The following HS6ST3 variants were observed in gnomAD, a reference collection of about 807,000 sequenced individuals.
The protein encoded by HS6ST3 is heparan sulfate 6-O-sulfotransferase 3.
HS6ST3 carries 12 observed loss-of-function variants against 36.7 expected under a neutral mutation model. The observed-to-expected ratio is 0.33, with a 90% CI of 0.21 to 0.53. HS6ST3 has a LOEUF of 0.53. Among genes scored for constraint, HS6ST3 ranks in the 20% least tolerant of loss-of-function variants. The pLI, the probability that HS6ST3 is intolerant of heterozygous loss-of-function variation, is 0.95. For synonymous variants in HS6ST3, 240 were observed against 257.5 expected, an observed-to-expected ratio of 0.93 and a Z score of 0.65; for missense variants, 584 against 640.9, an observed-to-expected ratio of 0.91 and a Z score of 0.96.
At chr13:96,678,254 G>A (rs918900674) in intron 1 of HS6ST3, among the ~76,000 whole-genome samples, 1 of 152,156 alleles carries the variant, frequency 6.6e-6, no homozygotes, top group Non-Finnish European at 1.5e-5. Flanking sequence ...AGCCTTCATG[G>A]TCTATTCACC....
At chr13:96,748,301 G>A (rs1429682489) in intron 1 of HS6ST3, among the ~76,000 whole-genome samples, 2 of 152,030 alleles carry the variant, frequency 1.3e-5, no homozygotes, top group Non-Finnish European at 2.9e-5. Flanking sequence ...GAGCTCCTAT[G>A]CTTGCTAGAC....
intron 1 of HS6ST3, among the ~76,000 whole-genome samples, chr13:96,245,285 G>T (rs986305168): frequency 6.6e-6 from 1 of 152,130 alleles, no homozygotes; most frequent in African/African-American, 2.4e-5. Context: ...AAGGGGTAGA[G>T]CATTAAGACT....
chr13:96,535,264 T>C (rs2056150786), intron 1 of HS6ST3, among the ~76,000 whole-genome samples: 1 of 151,860 alleles, frequency 6.6e-6, no homozygotes, highest in African/African-American at 2.4e-5. Context: ...AGTTAAAAGT[T>C]GGAGAATCTT....
chr13:96,477,991 T>C (rs945566470), intron 1 of HS6ST3, among the ~76,000 whole-genome samples: 1 of 152,166 alleles, frequency 6.6e-6, no homozygotes, highest in Non-Finnish European at 1.5e-5. Context: ...TCTTTTTGCC[T>C]GGGTATCCAT....
chr13:96,733,139 A>C (rs538181064), intron 1 of HS6ST3, among the ~76,000 whole-genome samples: 30 of 152,262 alleles, frequency 2.0e-4, no homozygotes, highest in African/African-American at 6.7e-4. Context: ...TCCCTTGGCT[A>C]CTGCTCTGGC....
At chr13:96,502,061 T>C (rs1015915006) in intron 1 of HS6ST3, among the ~76,000 whole-genome samples, 5 of 152,204 alleles carry the variant, frequency 3.3e-5, no homozygotes, top group Non-Finnish European at 5.9e-5. Context: ...TAGATCTAAC[T>C]TTCCACCTTT....
At chr13:96,570,156 A>T (rs2056295936) in intron 1 of HS6ST3, among the ~76,000 whole-genome samples, 1 of 152,180 alleles carries the variant, frequency 6.6e-6, no homozygotes, top group East Asian at 1.9e-4. Flanking sequence ...TAAGAGATAG[A>T]TGTGTCTGGT....
intron 1 of HS6ST3, among the ~76,000 whole-genome samples, chr13:96,405,863 A>G (rs889488389): frequency 9.2e-5 from 14 of 152,190 alleles, no homozygotes; most frequent in African/African-American, 9.6e-5. Flanking sequence ...ATTCAAATTC[A>G]TAAAATTTCA....
intron 1 of HS6ST3, among the ~76,000 whole-genome samples, chr13:96,786,958 C>A (rs780263435): frequency 6.6e-6 from 1 of 152,122 alleles, no homozygotes; most frequent in African/African-American, 2.4e-5. Flanking sequence ...TTCAGAATGT[C>A]CTAAATTTGG....
intron 1 of HS6ST3, among the ~76,000 whole-genome samples, chr13:96,210,238 C>G (rs1326957668): frequency 6.6e-6 from 1 of 152,300 alleles, no homozygotes; most frequent in South Asian, 2.1e-4. Flanking sequence ...CAAATGTAAG[C>G]CAAAATATTT....
At chr13:96,722,987 A>ATGTGTGTG (rs1566438454) in intron 1 of HS6ST3, among the ~76,000 whole-genome samples, 2 of 122,666 alleles carry the variant, frequency 1.6e-5, no homozygotes, top group African/African-American at 7.5e-5. Flanking sequence ...AAAAAAATAT[A>ATGTGTGTG]CGTGTGTGTG....
chr13:96,676,645 T>G (rs1472264760), intron 1 of HS6ST3, among the ~76,000 whole-genome samples: 1 of 152,196 alleles, frequency 6.6e-6, no homozygotes. Context: ...CTTGAAGTCC[T>G]TATTCCTGGG....
intron 1 of HS6ST3, among the ~76,000 whole-genome samples, chr13:96,739,193 C>A (rs1876368691): frequency 6.7e-6 from 1 of 149,272 alleles, no homozygotes. Context: ...TTTTTCATAC[C>A]CCTTCTGTTC....
At chr13:96,284,910 G>GCTTGCTTGCTTGCTTTCTTTCTTT (rs1343778101) in intron 1 of HS6ST3, among the ~76,000 whole-genome samples, 5 of 134,676 alleles carry the variant, frequency 3.7e-5, no homozygotes, top group East Asian at 4.5e-4. Context: ...ATGCATATTT[G>GCTTGCTTGCTTGCTTTCTTTCTTT]CTTTCTTTCT....
chr13:96,428,722 CA>C (rs1566358527), intron 1 of HS6ST3, among the ~76,000 whole-genome samples: 2 of 152,138 alleles, frequency 1.3e-5, no homozygotes, highest in Non-Finnish European at 2.9e-5. Flanking sequence ...AGGTGCTTAT[CA>C]AGTAAGAACA....
At chr13:96,784,247 A>T (rs1161053607) in intron 1 of HS6ST3, among the ~76,000 whole-genome samples, 1 of 152,208 alleles carries the variant, frequency 6.6e-6, no homozygotes, top group Non-Finnish European at 1.5e-5. Flanking sequence ...TGACTGACCT[A>T]TCTGGCTGAA....
chr13:96,221,442 C>A (rs1435315933), intron 1 of HS6ST3, among the ~76,000 whole-genome samples: 1 of 152,068 alleles, frequency 6.6e-6, no homozygotes. Context: ...AGTGTTCAGG[C>A]CTTGAGAACA....
intron 1 of HS6ST3, among the ~76,000 whole-genome samples, chr13:96,434,936 T>G (rs1480935279): frequency 6.6e-6 from 1 of 152,208 alleles, no homozygotes; most frequent in Non-Finnish European, 1.5e-5. Context: ...GTTGCCCCTA[T>G]AATGGAGTTG....
chr13:96,511,974 CAGTT>C (rs1397267175), intron 1 of HS6ST3, among the ~76,000 whole-genome samples: 1 of 152,174 alleles, frequency 6.6e-6, no homozygotes, highest in Non-Finnish European at 1.5e-5. Context: ...TAATATTTCT[CAGTT>C]GGTTTAAGGT....
Sources: gnomAD v4.1 joint callset for allele counts (sites outside exome capture counted in the v4.1 genomes callset) on GRCh38, gnomAD v4.1.1 for gene constraint, MANE v1.5 for transcripts, NCBI Gene and HGNC (gene_info 2026-07-23, HGNC 2026-07-21) for gene names.